ROBO2: variants seen among roughly 807,000 people sequenced by gnomAD.
ROBO2 encodes roundabout homolog 2.
In ROBO2, 53 loss-of-function variants were observed where a neutral mutation model predicts 160.8. That is an observed-to-expected ratio of 0.33 (90% CI 0.26 to 0.41). The LOEUF is 0.41. ROBO2 is among the 10% of genes least tolerant of loss of function. ROBO2 has a pLI of 1.00. For missense variants in ROBO2, 1,577 were observed against 1,722.4 expected, an observed-to-expected ratio of 0.92 and a Z score of 1.49; for synonymous variants, 664 against 611.7, an observed-to-expected ratio of 1.09 and a Z score of -1.26.
chr3:77,133,062 T>C (rs1301266501), intron 2 of ROBO2, among the ~76,000 whole-genome samples: 2 of 152,318 alleles, frequency 1.3e-5, no homozygotes, highest in East Asian at 3.9e-4. Flanking sequence ...AACTTCTTGC[T>C]TCTTATAATC....
chr3:76,419,719 C>T (rs1430711381), intron 2 of ROBO2, among the ~76,000 whole-genome samples: 1 of 152,028 alleles, frequency 6.6e-6, no homozygotes, highest in Non-Finnish European at 1.5e-5. Flanking sequence ...TCAAATGCAT[C>T]AGGGCGATTT....
chr3:76,007,796 T>TA (rs528981420), intron 2 of ROBO2, among the ~76,000 whole-genome samples: 22 of 152,126 alleles, frequency 1.4e-4, no homozygotes, highest in Non-Finnish European at 3.1e-4. Flanking sequence ...ATAATCTTTG[T>TA]AAAAAAACTA....
chr3:76,517,935 T>C (rs2081419276), intron 2 of ROBO2, among the ~76,000 whole-genome samples: 1 of 152,164 alleles, frequency 6.6e-6, no homozygotes, highest in Non-Finnish European at 1.5e-5. Flanking sequence ...TAACTGTCAC[T>C]TTGGAAAGTT....
intron 2 of ROBO2, among the ~76,000 whole-genome samples, chr3:76,814,925 A>G (rs1450087037): frequency 6.6e-6 from 1 of 152,104 alleles, no homozygotes; most frequent in Non-Finnish European, 1.5e-5. Context: ...CAAAGGATCT[A>G]CTAGTACTGA....
At chr3:77,266,188 CT>C (rs879905756) in intron 2 of ROBO2, among the ~76,000 whole-genome samples, 2,760 of 144,470 alleles carry the variant, frequency 0.019, 70 homozygotes, top group African/African-American at 0.056. Flanking sequence ...TTTATTTCTA[CT>C]TTTTTTTTTT....
At chr3:76,914,774 G>T (rs1250196777) in intron 2 of ROBO2, among the ~76,000 whole-genome samples, 1 of 152,092 alleles carries the variant, frequency 6.6e-6, no homozygotes, top group South Asian at 2.1e-4. Flanking sequence ...GAACTTCTTC[G>T]ATTTGGTTAT....
At chr3:76,871,952 A>C (rs1486298984) in intron 2 of ROBO2, among the ~76,000 whole-genome samples, 1 of 152,216 alleles carries the variant, frequency 6.6e-6, no homozygotes, top group Non-Finnish European at 1.5e-5. Flanking sequence ...GTAAGTCTTC[A>C]CATTTTTTAA....
chr3:76,170,562 C>T (rs923145955), intron 2 of ROBO2, among the ~76,000 whole-genome samples: 3 of 152,104 alleles, frequency 2.0e-5, no homozygotes, highest in Non-Finnish European at 2.9e-5. Flanking sequence ...AGGCAAAATG[C>T]GTAGCAGCAC....
At chr3:76,842,098 G>T (rs1213343999) in intron 2 of ROBO2, among the ~76,000 whole-genome samples, 1 of 152,216 alleles carries the variant, frequency 6.6e-6, no homozygotes, top group Non-Finnish European at 1.5e-5. Flanking sequence ...CCACAATCGT[G>T]TTGTTATATG....
intron 2 of ROBO2, among the ~76,000 whole-genome samples, chr3:76,052,489 A>AT (rs140901749): frequency 0.12 from 17,374 of 150,236 alleles, 1,114 homozygotes; most frequent in Non-Finnish European, 0.14. Flanking sequence ...TGTCCTTGAG[A>AT]TTTTTTTTTT....
intron 2 of ROBO2, among the ~76,000 whole-genome samples, chr3:76,748,792 T>G (rs2108184799): frequency 6.6e-6 from 1 of 152,000 alleles, no homozygotes; most frequent in Non-Finnish European, 1.5e-5. Flanking sequence ...GAAAAGTGTT[T>G]AAAATGTACA....
Position 76,045,322 on chromosome 3 carries a change from T to C in ROBO2, c.109+107720T>C, listed in dbSNP as rs71315333. ...CATAGAATCTTATTTATTTTTATTG[T>C]TGTGTTTTACTACTTTCTCACATTC... On this transcript the variant is annotated intron_variant, in intron 2 of 26. Coordinates refer to the ROBO2 transcript ENST00000487694. 7.0e-3 allele frequency among the ~76,000 whole-genome samples: 1,059 copies of C among 152,140 alleles called. 65 individuals are homozygous for C. The East Asian group carries it at 0.15, about 22-fold the overall frequency.
chr3:77,409,272 A>G (rs1479804165), intron 2 of ROBO2, among the ~76,000 whole-genome samples: 1 of 151,962 alleles, frequency 6.6e-6, no homozygotes, highest in Non-Finnish European at 1.5e-5. Flanking sequence ...TGGCCAAATC[A>G]TGAACTTTTA....
At chr3:76,689,551 T>C (rs1465722922) in intron 2 of ROBO2, among the ~76,000 whole-genome samples, 2 of 152,152 alleles carry the variant, frequency 1.3e-5, no homozygotes, top group Non-Finnish European at 2.9e-5. Context: ...ATTTCCTGTC[T>C]CCTACTTCTG....
chr3:77,050,900 C>T (rs975197139), intron 1 of ROBO2, among the ~76,000 whole-genome samples: 1 of 151,476 alleles, frequency 6.6e-6, no homozygotes. Flanking sequence ...CACCTGTAGT[C>T]CCAGCTACTT....
intron 2 of ROBO2, among the ~76,000 whole-genome samples, chr3:76,352,026 CATTCTT>C (rs2074907630): frequency 6.6e-6 from 1 of 151,950 alleles, no homozygotes; most frequent in South Asian, 2.1e-4. Flanking sequence ...AGTTCTAACA[CATTCTT>C]ATGAGTGTCT....
At chr3:77,307,233 G>A (rs1391489771) in intron 2 of ROBO2, among the ~76,000 whole-genome samples, 1 of 152,180 alleles carries the variant, frequency 6.6e-6, no homozygotes, top group Non-Finnish European at 1.5e-5. Flanking sequence ...GCAAACTGGT[G>A]AGTTGTCTCT....
chr3:76,124,745 C>G (rs1355130502), intron 2 of ROBO2, among the ~76,000 whole-genome samples: 4 of 152,024 alleles, frequency 2.6e-5, no homozygotes. Flanking sequence ...TATCCAATGT[C>G]TAATATTACA....
chr3:76,661,847 T>C (rs1253386841), intron 2 of ROBO2, among the ~76,000 whole-genome samples: 2 of 152,174 alleles, frequency 1.3e-5, no homozygotes, highest in Non-Finnish European at 2.9e-5. Context: ...GTCTACAGAA[T>C]GTAAATTTTC....
Sources: allele counts gnomAD v4.1 joint callset (sites outside exome capture counted in the v4.1 genomes callset), GRCh38; gene constraint gnomAD v4.1.1; transcripts MANE v1.5; gene names NCBI Gene and HGNC (gene_info 2026-07-23, HGNC 2026-07-21).